Variants in GALNTL6 observed in about 807,000 individuals in gnomAD.
GALNTL6 encodes the protein polypeptide N-acetylgalactosaminyltransferase like 6.
In GALNTL6, 46 loss-of-function variants were observed where a neutral mutation model predicts 73.7. The observed-to-expected ratio is 0.62, with a 90% CI of 0.49 to 0.80. GALNTL6 has a LOEUF of 0.80. Ranked by LOEUF, GALNTL6 falls within the 30% of genes least tolerant of loss-of-function variation. GALNTL6 has a pLI of 0.00. For synonymous variants in GALNTL6, 259 were observed against 263.7 expected, an observed-to-expected ratio of 0.98 and a Z score of 0.17; for missense variants, 604 against 755.0, an observed-to-expected ratio of 0.80 and a Z score of 2.34.
intron 5 of GALNTL6, among the ~76,000 whole-genome samples, chr4:172,661,959 G>T (rs552471256): frequency 6.6e-6 from 1 of 152,266 alleles, no homozygotes; most frequent in South Asian, 2.1e-4. Flanking sequence ...GTGCTAATAA[G>T]AAGGATGCCT....
chr4:172,002,600 C>A (rs1740712460), intron 2 of GALNTL6, among the ~76,000 whole-genome samples: 2 of 152,130 alleles, frequency 1.3e-5, no homozygotes, highest in African/African-American at 4.8e-5. Context: ...TTTCACTAAT[C>A]TCTTTTGTCT....
intron 5 of GALNTL6, among the ~76,000 whole-genome samples, chr4:172,491,733 CTT>C (rs1561109220): frequency 2.6e-5 from 4 of 152,034 alleles, no homozygotes; most frequent in African/African-American, 9.7e-5. Flanking sequence ...ACCTTAAGGA[CTT>C]TTTAAAAATT....
At chr4:171,857,523 T>C (rs186838816) in intron 2 of GALNTL6, among the ~76,000 whole-genome samples, 47 of 152,202 alleles carry the variant, frequency 3.1e-4, no homozygotes, top group African/African-American at 1.1e-3. Context: ...ATTTCAGTGA[T>C]TTTAAAGTCT....
intron 2 of GALNTL6, among the ~76,000 whole-genome samples, chr4:172,207,196 T>G (rs756745494): frequency 2.0e-5 from 3 of 152,164 alleles, no homozygotes; most frequent in Non-Finnish European, 4.4e-5. Context: ...CTCCTAAGCC[T>G]TAGTAAGCAC....
chr4:172,773,890 T>C (rs1349811390), intron 5 of GALNTL6, among the ~76,000 whole-genome samples: 1 of 152,132 alleles, frequency 6.6e-6, no homozygotes, highest in Non-Finnish European at 1.5e-5. Context: ...TACAATTGGC[T>C]CAATCAAGTT....
intron 4 of GALNTL6, among the ~76,000 whole-genome samples, chr4:172,314,498 T>TA (rs972192586): frequency 1.1e-4 from 17 of 151,052 alleles, no homozygotes; most frequent in South Asian, 2.1e-4. Context: ...CACATTTAGT[T>TA]AAAAAAAATC....
chr4:172,549,856 C>T (rs1735894139), intron 5 of GALNTL6, among the ~76,000 whole-genome samples: 1 of 152,136 alleles, frequency 6.6e-6, no homozygotes. Flanking sequence ...AAGAGTTCAA[C>T]AAGCATTCTG....
intron 9 of GALNTL6, among the ~76,000 whole-genome samples, chr4:172,948,498 G>T (rs1321768503): frequency 6.6e-6 from 1 of 151,890 alleles, no homozygotes; most frequent in Non-Finnish European, 1.5e-5. Context: ...TTTTGCCCGG[G>T]CTGGAGTGCA....
At chr4:172,754,898 G>A (rs1737654210) in intron 5 of GALNTL6, among the ~76,000 whole-genome samples, 1 of 151,696 alleles carries the variant, frequency 6.6e-6, no homozygotes. Context: ...TGAAGGAAAG[G>A]GGAGGGACTG....
chr4:173,034,344 C>G (rs1319319294), intron 12 of GALNTL6, among the ~76,000 whole-genome samples: 1 of 152,162 alleles, frequency 6.6e-6, no homozygotes, highest in Non-Finnish European at 1.5e-5. Context: ...ATGACCATTC[C>G]GAGATACTTT....
intron 11 of GALNTL6, among the ~76,000 whole-genome samples, chr4:173,015,930 C>A (rs1423881301): frequency 2.6e-5 from 4 of 152,224 alleles, no homozygotes; most frequent in African/African-American, 9.6e-5. Context: ...AGGCCCAGGG[C>A]CCCCTGCTCT....
At chr4:171,837,589 TA>T (rs1430867131) in intron 2 of GALNTL6, among the ~76,000 whole-genome samples, 3 of 147,230 alleles carry the variant, frequency 2.0e-5, no homozygotes, top group East Asian at 1.9e-4. Flanking sequence ...TTATAGATAT[TA>T]ATTATTATAT....
chr4:172,607,922 TC>T (rs1306386169), intron 5 of GALNTL6, among the ~76,000 whole-genome samples: 1 of 152,186 alleles, frequency 6.6e-6, no homozygotes, highest in Non-Finnish European at 1.5e-5. Flanking sequence ...TCTATGTCTT[TC>T]CCCACTTTAT....
At chr4:172,664,606 T>G (rs1560865813) in intron 5 of GALNTL6, among the ~76,000 whole-genome samples, 2 of 152,178 alleles carry the variant, frequency 1.3e-5, no homozygotes, top group Non-Finnish European at 2.9e-5. Context: ...AGTCAAAGAT[T>G]TTAACAATAG....
At chr4:171,892,686 C>A (rs1736795955) in intron 2 of GALNTL6, among the ~76,000 whole-genome samples, 1 of 152,066 alleles carries the variant, frequency 6.6e-6, no homozygotes, top group Non-Finnish European at 1.5e-5. Flanking sequence ...CTCAGCCTCC[C>A]AAGTAGCTGT....
chr4:171,952,540 T>C (rs76034787), intron 2 of GALNTL6, among the ~76,000 whole-genome samples: 3,258 of 152,156 alleles, frequency 0.021, 89 homozygotes, highest in East Asian at 0.059. Context: ...TCAAGTTCAA[T>C]TTTTTAGGGA....
intron 5 of GALNTL6, among the ~76,000 whole-genome samples, chr4:172,434,699 G>A (rs1000975190): frequency 9.2e-5 from 14 of 152,060 alleles, no homozygotes; most frequent in African/African-American, 2.9e-4. Context: ...AATACCAAGT[G>A]ATGGTAATGG....
At chr4:172,685,087 A>C (rs1732840695) in intron 5 of GALNTL6, among the ~76,000 whole-genome samples, 1 of 152,202 alleles carries the variant, frequency 6.6e-6, no homozygotes, top group South Asian at 2.1e-4. Context: ...TTGAGTTTTC[A>C]AAAATTTCAG....
chr4:171,884,221 G>T (rs1483372161), intron 2 of GALNTL6, among the ~76,000 whole-genome samples: 1 of 152,026 alleles, frequency 6.6e-6, no homozygotes, highest in South Asian at 2.1e-4. Context: ...ATGTCATTTA[G>T]CTTTGCTATT....
Sources: allele counts gnomAD v4.1 joint callset (sites outside exome capture counted in the v4.1 genomes callset), GRCh38; gene constraint gnomAD v4.1.1; transcripts MANE v1.5; gene names NCBI Gene and HGNC (gene_info 2026-07-23, HGNC 2026-07-21).